BCL6: variants seen among roughly 807,000 people sequenced by gnomAD.
BCL6 encodes the protein BCL6 transcription repressor, also known as B-cell lymphoma 6 protein.
BCL6 carries 7 observed loss-of-function variants against 59.5 expected under a neutral mutation model. The observed-to-expected ratio is 0.12, with a 90% confidence interval of 0.07 to 0.22. The LOEUF (loss-of-function observed/expected upper bound fraction) is 0.22, where lower values mean the gene tolerates loss of function less well. Ranked by LOEUF, BCL6 falls within the 10% of genes least tolerant of loss-of-function variation. BCL6 has a pLI of 1.00. For synonymous variants in BCL6, 339 were observed against 349.7 expected (o/e 0.97, Z 0.34); for missense variants, 685 against 939.4 (o/e 0.73, Z 3.54).
intron 3 of BCL6, among the ~76,000 whole-genome samples, chr3:187,732,612 G>A (rs1008800520): frequency 1.4e-4 from 21 of 151,968 alleles, no homozygotes; most frequent in Non-Finnish European, 5.9e-5. Flanking sequence ...CCAGAAGTGA[G>A]CCAGACTTCC....
intron 4 of BCL6, among the ~76,000 whole-genome samples, chr3:187,730,318 T>C (rs942041891): frequency 6.6e-6 from 1 of 152,368 alleles, no homozygotes; most frequent in East Asian, 1.9e-4. Context: ...TGTGAATCTA[T>C]AGCTCTTCTG....
At chr3:187,730,407 G>C (rs773827516) in intron 4 of BCL6, among the ~76,000 whole-genome samples, 5 of 152,366 alleles carry the variant, frequency 3.3e-5, no homozygotes, top group Non-Finnish European at 7.3e-5. Context: ...CTGAAAGGAA[G>C]GAAAGGTGGT....
chr3:187,735,032 G>T (rs1023607426), intron 1 of BCL6, 125 bp from the exon 2 acceptor site: 1 of 152,528 alleles, frequency 6.6e-6, no homozygotes, highest in South Asian at 2.1e-4. Context: ...CAGCTGGTGT[G>T]GTTTTACCAC....
chr3:187,744,106 T>A (rs1711748677), intron 1 of BCL6, among the ~76,000 whole-genome samples: 2 of 152,220 alleles, frequency 1.3e-5, no homozygotes, highest in East Asian at 1.9e-4. Flanking sequence ...GTTCCCTTTT[T>A]ACAGAGCTTG....
At chr3:187,732,195 T>C (rs1271649111) in intron 3 of BCL6, among the ~76,000 whole-genome samples, 1 of 152,052 alleles carries the variant, frequency 6.6e-6, no homozygotes, top group Non-Finnish European at 1.5e-5. Flanking sequence ...ATCAGGGGGG[T>C]TAAGTGAATA....
At chr3:187,739,603 A>T (rs1446871560) in intron 1 of BCL6, among the ~76,000 whole-genome samples, 1 of 152,332 alleles carries the variant, frequency 6.6e-6, no homozygotes, top group South Asian at 2.1e-4. Context: ...GCAAGCTTCT[A>T]GGAAATGCAA....
chr3:187,740,741 C>T (rs1315235792), intron 1 of BCL6, among the ~76,000 whole-genome samples: 1 of 152,242 alleles, frequency 6.6e-6, no homozygotes, highest in Admixed American at 6.5e-5. Flanking sequence ...AGGTGGCATC[C>T]TTCCACTACC....
chr3:187,728,451 T>C lies in BCL6; in HGVS notation c.1449A>G (p.Pro483=), dbSNP rs771394894. ...TGTGGAGGCACATCTCTGCATGCTG[T>C]GGGGACTGAGAGCCGCAGGACGTGC... ...PKCTSCGSQS[P]QHAEMCLHTA... is the part of the protein sequence containing the mutation. The change falls in exon 6 of 10, where the codon CCA becomes CCG. Residue 483 remains proline (P), a synonymous_variant. Transcript: ENST00000406870. 1.2e-6 allele frequency: 2 copies of C among 1,612,560 alleles called. No homozygotes were observed. Among genetic ancestry groups the C allele is most frequent in the Non-Finnish European group, 1.7e-6 (2 of 1,179,630 alleles).
intron 1 of BCL6, 134 bp downstream of exon 1, chr3:187,745,276 G>A (rs1711894264): frequency 2.5e-6 from 1 of 398,402 alleles, no homozygotes; most frequent in Non-Finnish European, 4.4e-6. Context: ...CAAAGCATTT[G>A]GCAAGAGCGG....
intron 1 of BCL6, chr3:187,737,263 C>A (rs1194813754): frequency 3.4e-5 from 5 of 147,432 alleles, no homozygotes; most frequent in Non-Finnish European, 3.0e-5. Flanking sequence ...GAAGACAGAT[C>A]CTTTAAAAGA....
chr3:187,727,611 A>T (rs1333646547), intron 6 of BCL6, among the ~76,000 whole-genome samples: 1 of 152,228 alleles, frequency 6.6e-6, no homozygotes, highest in Non-Finnish European at 1.5e-5. Context: ...AAGGCAAACT[A>T]GCCAGGGTGC....
chr3:187,735,284 G>A (rs1035809912), intron 1 of BCL6, among the ~76,000 whole-genome samples: 6 of 152,234 alleles, frequency 3.9e-5, no homozygotes, highest in South Asian at 2.1e-4. Flanking sequence ...ATAACGATTC[G>A]TCCGTGGCCT....
chr3:187,726,994 C>G, intron 6 of BCL6, 96 bp from the exon 7 acceptor site: 3 of 1,416,626 alleles, frequency 2.1e-6, no homozygotes, highest in Non-Finnish European at 2.9e-6. Context: ...TTGTGCCAAA[C>G]TGAACTCTCA....
Position 187,731,939 on chromosome 3 carries a change from CA to C in BCL6, c.162-10del. 1 of 1,604,056 alleles carries C rather than the reference CA, an allele frequency of 6.2e-7. No homozygotes were observed. The highest frequency in any genetic ancestry group is 8.5e-7 in the Non-Finnish European group (1 of 1,171,024). ...TGCTATAGAACAGGCCACTGTAAAA[CA>C]AACAAATGTCCCACTATAGTAGACA... On this transcript the variant is annotated splice_polypyrimidine_tract_variant and intron_variant, in intron 3 of 9. Coordinates refer to ENST00000406870, the MANE Select transcript of BCL6 (RefSeq NM_001706.5).
At position 187,723,196 on chromosome 3, in the gene BCL6, T is replaced by A. The variant is rs565580321; in HGVS notation, c.1978-595A>T. 9.7e-4 allele frequency among the ~76,000 whole-genome samples: 148 copies of A among 152,360 alleles called. 1 individual carries two copies. Among genetic ancestry groups the A allele is most frequent in the African/African-American group, 3.4e-3 (141 of 41,576 alleles). On this transcript the variant is annotated intron_variant, in intron 9 of 9. Transcript: ENST00000406870. ...TTCTGGAGTCTAGGGTAAATTTTTT[T>A]AAATGCAGTTATATTCTTTCCTAGG...
At chr3:187,744,898 A>T (rs1011610968) in intron 1 of BCL6, among the ~76,000 whole-genome samples, 5 of 152,248 alleles carry the variant, frequency 3.3e-5, no homozygotes, top group South Asian at 4.2e-4. Context: ...CGCAAGCAGC[A>T]GCAGAAAGAG....
At position 187,726,711 on chromosome 3, in the gene BCL6, C is replaced by T. The variant is rs375772168; in HGVS notation, c.1708+20G>A. On this transcript the variant is annotated intron_variant, in intron 7 of 9. Transcript: ENST00000406870. ...CCCAATAATTGTGGAGAGTTCGGGT[C>T]GTGTGGGGCAGGGCCATACCGGTAT... The T allele has an allele frequency of 1.4e-5, 22 of 1,611,042 alleles. No homozygotes were observed. The highest frequency in any genetic ancestry group is 1.7e-4 in the Middle Eastern group (1 of 5,816).
At chr3:187,723,365 G>A (rs1718517547) in intron 9 of BCL6, among the ~76,000 whole-genome samples, 1 of 152,118 alleles carries the variant, frequency 6.6e-6, no homozygotes, top group African/African-American at 2.4e-5. Context: ...GGGTAATCTA[G>A]ATGAGATCTT....
At chr3:187,727,764 TA>T (rs1307189332) in intron 6 of BCL6, among the ~76,000 whole-genome samples, 1 of 152,268 alleles carries the variant, frequency 6.6e-6, no homozygotes, top group African/African-American at 2.4e-5. Flanking sequence ...GATTAGGTAC[TA>T]CTGGGCTCTA....
Sources: gnomAD v4.1 joint callset for allele counts (sites outside exome capture counted in the v4.1 genomes callset) on GRCh38, gnomAD v4.1.1 for gene constraint, MANE v1.5 for transcripts, NCBI Gene and HGNC (gene_info 2026-07-23, HGNC 2026-07-21) for gene names.